The following FAM221B variants were observed in gnomAD, a reference collection of about 807,000 sequenced individuals.
FAM221B encodes the protein family with sequence similarity 221 member B.
Under a neutral mutation model 39.8 loss-of-function variants are expected in FAM221B, and 35 were observed. The observed-to-expected ratio is 0.88, with a 90% CI of 0.67 to 1.17. FAM221B has a LOEUF of 1.17. Among genes scored for constraint, FAM221B ranks in the 50% most tolerant of loss-of-function variants. The pLI is 0.00. For synonymous variants in FAM221B, 158 were observed against 178.1 expected (o/e 0.89, Z 0.90); for missense variants, 479 against 503.1 (o/e 0.95, Z 0.46).
intron 3 of FAM221B, among the ~76,000 whole-genome samples, chr9:35,823,244 T>C (rs1052744513): frequency 1.7e-4 from 26 of 152,178 alleles, no homozygotes; most frequent in African/African-American, 6.0e-4. Flanking sequence ...AGGATAACCT[T>C]GATTATAGCA....
chr9:35,819,865 G>A, intron 4 of FAM221B, 25 bp downstream of exon 4: 2 of 1,353,808 alleles, frequency 1.5e-6, no homozygotes, highest in Non-Finnish European at 2.1e-6. Context: ...CCACACTCGA[G>A]AGGGGCTGGT....
chr9:35,824,933 G>A (rs1253519803), intron 3 of FAM221B, among the ~76,000 whole-genome samples: 4 of 152,014 alleles, frequency 2.6e-5, no homozygotes, highest in South Asian at 2.1e-4. Context: ...CGCCCATCTC[G>A]GCCTCCCAAA....
rs745707433 is a variant in FAM221B at position 35,819,923 on chromosome 9, C to T, written c.820G>A (p.Gly274Arg). ...RIGDESRCFC[G>R]HLLREHRIIS... ...ATCCGGTGCTCTCTCAACAAGTGTC[C>T]ACAAAAGCATCTGGACTCATCCCCA... is the stretch of plus-strand genomic sequence containing the variant. The change falls in exon 4 of 7, where the codon GGA becomes AGA. Residue 274 changes from glycine to arginine, a missense_variant. Physicochemically the swap from Gly to Arg is moderately radical, Grantham distance 125. Transcript: ENST00000423537. The T allele has an allele frequency of 4.4e-6, 7 of 1,609,168 alleles. No individual in the cohort carries two copies. Among genetic ancestry groups the T allele is most frequent in the Non-Finnish European group, 5.1e-6 (6 of 1,176,816 alleles).
chr9:35,824,282 C>T (rs1829235791), intron 3 of FAM221B, among the ~76,000 whole-genome samples: 1 of 152,156 alleles, frequency 6.6e-6, no homozygotes, highest in Non-Finnish European at 1.5e-5. Context: ...TGAAGGTAAT[C>T]CCTATAGACA....
Position 35,825,306 on chromosome 9 carries a change from A to C in FAM221B, c.666T>G (p.His222Gln), listed in dbSNP as rs773803368. 4 of 1,614,196 alleles carry C rather than the reference A, an allele frequency of 2.5e-6. No homozygotes were observed. Among genetic ancestry groups the C allele is most frequent in the Non-Finnish European group, 2.5e-6 (3 of 1,180,028 alleles). The change falls in exon 3 of 7, where the codon CAT becomes CAG. Residue 222 changes from histidine (H) to glutamine (Q), a missense_variant. Transcript: ENST00000423537. The surrounding 1 kb of genome is among the most constrained non-coding windows in gnomAD (Gnocchi z 4.2). ...TELVEVAKAMHREEFGAQVNN... is the reference protein window; with the variant it reads ...TELVEVAKAMQREEFGAQVNN... ...TCACTTGAGCACCAAACTCCTCTCT[A>C]TGCATTGCCTTAGCCACTTCCACCA... is the stretch of plus-strand genomic sequence containing the variant.
chr9:35,825,355 A>G lies in FAM221B; in HGVS notation c.617T>C (p.Val206Ala), dbSNP rs1184017604. The G allele has an allele frequency of 3.1e-6, 5 of 1,614,064 alleles. No homozygotes were observed. Among genetic ancestry groups the G allele is most frequent in the African/African-American group, 2.7e-5 (2 of 74,928 alleles). ...CAGCTCTGTCTGCCTAGCAGGGAAC[A>G]CTGGGCGGGCTGTGTTACCTAGGAT... ...GHQLGNTARP[V>A]FPARQTELVE... is the part of the protein sequence containing the mutation. Residue 206 changes from valine (V) to alanine (A), a missense_variant, in exon 3 of 7, where the codon GTG (valine) becomes GCG (alanine). Transcript: ENST00000423537. This position sits in a 1 kb window ranked among gnomAD's most constrained non-coding sequence, Gnocchi z 4.2.
intron 4 of FAM221B, 62 bp downstream of exon 4, chr9:35,819,828 A>G: frequency 1.5e-6 from 2 of 1,327,822 alleles, no homozygotes; most frequent in South Asian, 1.2e-5. Flanking sequence ...CATACTTCCC[A>G]AGACATGACA....
intron 6 of FAM221B, 107 bp downstream of exon 6, chr9:35,818,783 G>A (rs1276245572): frequency 1.4e-6 from 2 of 1,452,292 alleles, no homozygotes; most frequent in Admixed American, 2.1e-5. Context: ...GTGGGCTGAG[G>A]GAGCGCGCTA....
At chr9:35,826,998 G>A (rs549944662) in intron 1 of FAM221B, 2 of 152,194 alleles carry the variant, frequency 1.3e-5, no homozygotes, top group Non-Finnish European at 2.9e-5. Flanking sequence ...GTAGAGACGG[G>A]GTTTCACCAT....
In FAM221B at chr9:35,819,926, A is replaced by C; in HGVS notation, c.817T>G (p.Cys273Gly). 6.2e-7 allele frequency: 1 copy of C among 1,608,906 alleles called. No individual in the cohort carries two copies. The highest frequency in any genetic ancestry group is 1.1e-5 in the South Asian group (1 of 90,990). Residue 273 changes from cysteine to glycine, a missense_variant, in exon 4 of 7, where the codon TGT (cysteine) becomes GGT (glycine). Transcript: ENST00000423537. ...FRIGDESRCF[C>G]GHLLREHRII... The stretch of plus-strand genomic sequence containing the variant: ...CGGTGCTCTCTCAACAAGTGTCCAC[A>C]AAAGCATCTGGACTCATCCCCAATC...
intron 3 of FAM221B, among the ~76,000 whole-genome samples, chr9:35,824,284 C>G (rs577859061): frequency 2.4e-4 from 37 of 152,270 alleles, no homozygotes; most frequent in Admixed American, 6.5e-4. Context: ...AAGGTAATCC[C>G]TATAGACATG....
rs776835730 is a variant in FAM221B at position 35,819,949 on chromosome 9, A to G, written c.794T>C (p.Ile265Thr). The change falls in exon 4 of 7, where the codon ATT becomes ACT. Residue 265 changes from isoleucine to threonine, a missense_variant. Transcript: ENST00000423537. ...ACAAAAGCATCTGGACTCATCCCCA[A>G]TCCGGAAACAGTCCCATAGGTAATG... is the stretch of plus-strand genomic sequence containing the variant. ...CPHYLWDCFR[I>T]GDESRCFCGH... The G allele has an allele frequency of 3.1e-6, 5 of 1,609,260 alleles. No homozygotes were observed. Among genetic ancestry groups the G allele is most frequent in the Admixed American group, 3.4e-5 (2 of 59,486 alleles).
rs1829294335 is a variant in FAM221B at position 35,825,085 on chromosome 9, C to T, written c.742+145G>A. The T allele has an allele frequency of 1.1e-6, 1 of 904,976 alleles. No individual in the cohort carries two copies. Among genetic ancestry groups the T allele is most frequent in the Non-Finnish European group, 1.7e-6 (1 of 605,996 alleles). The allele number at this position is 904,976 out of a possible 1,614,324, so 56.1% of individuals were successfully genotyped here. On this transcript the variant is annotated intron_variant, in intron 3 of 6. Transcript: ENST00000423537. The surrounding 1 kb of genome is among the most constrained non-coding windows in gnomAD (Gnocchi z 4.2). Reference sequence around the variant, plus strand: ...GCATCCACCCTTGTATTCCTTGGCCCACTTGCCTGCTCCTTTTCCAGGCAG... The same window carrying T: ...GCATCCACCCTTGTATTCCTTGGCCTACTTGCCTGCTCCTTTTCCAGGCAG...
chr9:35,818,856 T>C lies in FAM221B; in HGVS notation c.1171+34A>G, dbSNP rs1055359302. 9 of 1,550,308 alleles carry C rather than the reference T, an allele frequency of 5.8e-6. No individual in the cohort carries two copies. The East Asian group carries it at 9.8e-5, about 17-fold the overall frequency. On this transcript the variant is annotated intron_variant, in intron 6 of 6. Transcript: ENST00000423537. Reference sequence around the variant, plus strand: ...TGCCTGGCCTTCTGACTACAGACCCTGGAATGGCCCCCTGTCCCAGGTTTC... The same window carrying C: ...TGCCTGGCCTTCTGACTACAGACCCCGGAATGGCCCCCTGTCCCAGGTTTC...
At chr9:35,818,759 TGGGTGGTG>T (rs562089997) in intron 6 of FAM221B, 123 bp downstream of exon 6, 7 of 1,238,524 alleles carry the variant, frequency 5.7e-6, no homozygotes, top group Non-Finnish European at 7.8e-6. Flanking sequence ...TGCAGGTAGG[TGGGTGGTG>T]GGGAGGTGGG....
intron 3 of FAM221B, chr9:35,821,614 A>G: frequency 7.3e-7 from 1 of 1,367,534 alleles, no homozygotes; most frequent in Non-Finnish European, 9.8e-7. Flanking sequence ...CCACTAGAGG[A>G]GTTCCGAATT....
At chr9:35,823,485 C>T (rs988110292) in intron 3 of FAM221B, among the ~76,000 whole-genome samples, 6 of 152,210 alleles carry the variant, frequency 3.9e-5, no homozygotes, top group African/African-American at 1.2e-4. Flanking sequence ...ACTCAACATC[C>T]CCACTATTAG....
rs779279107 is a variant in FAM221B, at chr9:35,819,122, C to T, written c.1051+75G>A. 3.9e-6 allele frequency: 6 copies of T among 1,532,738 alleles called. No individual in the cohort carries two copies. In the Admixed American group the frequency reaches 6.0e-5, roughly 15 times the overall value. 94.9% of individuals were successfully genotyped at this position (1,532,738 alleles called of 1,614,324 possible). On this transcript the variant is annotated intron_variant, in intron 5 of 6. Coordinates refer to ENST00000423537, the MANE Select transcript of FAM221B (RefSeq NM_001012446.4). The stretch of plus-strand genomic sequence containing the variant: ...CATGCCCAAGGCTCTCATACCTGCT[C>T]TCCATCATTATCCCCAGATTGCATC...
chr9:35,819,542 G>C (rs1829096938), intron 4 of FAM221B, 148 bp from the exon 5 acceptor site: 1 of 729,794 alleles, frequency 1.4e-6, no homozygotes, highest in Non-Finnish European at 2.2e-6. Flanking sequence ...GCCCAGGCTG[G>C]AGTGCAGTGG....
Sources: gnomAD v4.1 joint callset for allele counts (sites outside exome capture counted in the v4.1 genomes callset) on GRCh38, gnomAD v4.1.1 for gene constraint, Gnocchi (gnomAD v3.1) non-coding constraint, MANE v1.5 for transcripts, NCBI Gene and HGNC (gene_info 2026-07-23, HGNC 2026-07-21) for gene names.